Variants in CTNNA2 observed in about 807,000 individuals in gnomAD.
The protein encoded by CTNNA2 is catenin alpha 2, also known as catenin alpha-2.
CTNNA2 carries 42 observed loss-of-function variants against 101.0 expected under a neutral mutation model. That is an observed-to-expected ratio of 0.42 (90% CI 0.32 to 0.54). The LOEUF is 0.54. Ranked by LOEUF, CTNNA2 falls within the 20% of genes least tolerant of loss-of-function variation. The probability of loss-of-function intolerance (pLI) is 0.14; values close to 1 mark genes in which losing one functional copy is unlikely to be tolerated. For missense variants in CTNNA2, 871 were observed against 1,223.1 expected (o/e 0.71, Z 4.29); for synonymous variants, 450 against 456.4 (o/e 0.99, Z 0.18).
intron 4 of CTNNA2, among the ~76,000 whole-genome samples, chr2:79,860,085 A>G (rs1031161729): frequency 6.6e-6 from 1 of 152,094 alleles, no homozygotes; most frequent in Non-Finnish European, 1.5e-5. Context: ...TGTTATATCC[A>G]TCTTTTCAGT....
chr2:79,674,709 T>G (rs890138870), intron 2 of CTNNA2, among the ~76,000 whole-genome samples: 33 of 152,154 alleles, frequency 2.2e-4, no homozygotes, highest in African/African-American at 7.0e-4. Context: ...GAGAGACAAC[T>G]TAAAGGTAGT....
intron 8 of CTNNA2, among the ~76,000 whole-genome samples, chr2:80,400,358 T>G (rs974155044): frequency 1.3e-5 from 2 of 152,100 alleles, no homozygotes; most frequent in Admixed American, 1.3e-4. Flanking sequence ...GGCTCTGCCA[T>G]GCCTACTGTC....
intron 2 of CTNNA2, among the ~76,000 whole-genome samples, chr2:79,280,510 C>T (rs1675335402): frequency 6.6e-6 from 1 of 152,006 alleles, no homozygotes; most frequent in Non-Finnish European, 1.5e-5. Context: ...GGTTCCTCCA[C>T]TAGACCAGTG....
intron 17 of CTNNA2, among the ~76,000 whole-genome samples, chr2:80,617,768 T>G (rs1290598047): frequency 4.0e-5 from 6 of 151,832 alleles, no homozygotes; most frequent in Admixed American, 3.3e-4. Context: ...ACTTATGTAT[T>G]TAGTACGCTA....
intron 7 of CTNNA2, among the ~76,000 whole-genome samples, chr2:80,145,477 A>T (rs1052853702): frequency 3.3e-5 from 5 of 152,160 alleles, no homozygotes; most frequent in African/African-American, 1.2e-4. Context: ...TTGCAGTACC[A>T]TGCTGCCTCC....
chr2:80,098,734 G>A (rs1454357801), intron 7 of CTNNA2, among the ~76,000 whole-genome samples: 1 of 152,202 alleles, frequency 6.6e-6, no homozygotes, highest in African/African-American at 2.4e-5. Flanking sequence ...CCTCGCTGCT[G>A]CCTTGCAGTT....
chr2:80,047,164 T>G (rs1453152533), intron 7 of CTNNA2, among the ~76,000 whole-genome samples: 1 of 152,188 alleles, frequency 6.6e-6, no homozygotes, highest in Non-Finnish European at 1.5e-5. Context: ...GTAACTTCAG[T>G]TCCTTTAGGC....
intron 3 of CTNNA2, among the ~76,000 whole-genome samples, chr2:79,825,297 T>C (rs1466838159): frequency 6.6e-6 from 1 of 152,186 alleles, no homozygotes; most frequent in Non-Finnish European, 1.5e-5. Flanking sequence ...TTTAAAGTGA[T>C]GATGCTGTCG....
intron 4 of CTNNA2, among the ~76,000 whole-genome samples, chr2:79,425,602 A>T (rs1246051706): frequency 6.6e-6 from 1 of 152,116 alleles, no homozygotes; most frequent in Non-Finnish European, 1.5e-5. Context: ...CCCATTCACA[A>T]GGGAGAAGCC....
intron 7 of CTNNA2, among the ~76,000 whole-genome samples, chr2:80,033,148 C>CA (rs781462046): frequency 0.042 from 2,329 of 55,648 alleles, 117 homozygotes; most frequent in African/African-American, 0.12. Flanking sequence ...GACTCCATCT[C>CA]AAAAAAAAAA....
At chr2:80,082,717 G>A (rs1402924151) in intron 7 of CTNNA2, among the ~76,000 whole-genome samples, 1 of 152,138 alleles carries the variant, frequency 6.6e-6, no homozygotes, top group African/African-American at 2.4e-5. Context: ...TAGATGACCA[G>A]AATATGATGT....
intron 1 of CTNNA2, among the ~76,000 whole-genome samples, chr2:79,521,708 G>C (rs1018655030): frequency 4.6e-5 from 7 of 152,290 alleles, no homozygotes; most frequent in African/African-American, 1.7e-4. Context: ...ATAGAGGCCT[G>C]CCTTGTTCTC....
intron 3 of CTNNA2, among the ~76,000 whole-genome samples, chr2:79,321,231 C>A (rs921250125): frequency 6.6e-6 from 1 of 152,106 alleles, no homozygotes; most frequent in African/African-American, 2.4e-5. Flanking sequence ...AGAGGTCAAG[C>A]AACTTTGTTG....
intron 3 of CTNNA2, among the ~76,000 whole-genome samples, chr2:79,816,517 T>TA (rs1677514682): frequency 6.6e-6 from 1 of 152,000 alleles, no homozygotes; most frequent in Non-Finnish European, 1.5e-5. Flanking sequence ...AGAGTTAATA[T>TA]AAAAAGAATG....
intron 2 of CTNNA2, among the ~76,000 whole-genome samples, chr2:79,222,388 G>A (rs1000206509): frequency 7.2e-5 from 11 of 152,258 alleles, no homozygotes; most frequent in Admixed American, 6.5e-4. Flanking sequence ...GTTCAGACAG[G>A]CGCTCTACCC....
At chr2:80,544,871 C>T (rs1691902629) in intron 9 of CTNNA2, 111 bp from the exon 10 acceptor site, 1 of 857,894 alleles carries the variant, frequency 1.2e-6, no homozygotes. Flanking sequence ...TATCTTATTT[C>T]TGAAAGAATT....
chr2:79,691,668 C>A (rs187646733), intron 2 of CTNNA2, among the ~76,000 whole-genome samples: 12 of 151,818 alleles, frequency 7.9e-5, no homozygotes, highest in Admixed American at 5.3e-4. Context: ...TACTGGTACC[C>A]AAACAGATAT....
At chr2:80,154,754 T>TA (rs2148934114) in intron 7 of CTNNA2, among the ~76,000 whole-genome samples, 1 of 152,330 alleles carries the variant, frequency 6.6e-6, no homozygotes, top group African/African-American at 2.4e-5. Context: ...CTCCTCCACT[T>TA]ATCAGCCCAG....
intron 15 of CTNNA2, among the ~76,000 whole-genome samples, chr2:80,591,957 C>A (rs1324488716): frequency 6.6e-6 from 1 of 151,172 alleles, no homozygotes; most frequent in Non-Finnish European, 1.5e-5. Context: ...AAGCACCATC[C>A]TGCATGGAGT....
Sources: allele counts gnomAD v4.1 joint callset (sites outside exome capture counted in the v4.1 genomes callset), GRCh38; gene constraint gnomAD v4.1.1; transcripts MANE v1.5; gene names NCBI Gene and HGNC (gene_info 2026-07-23, HGNC 2026-07-21).